Variants in RHBDD1 observed in about 807,000 individuals in gnomAD.
The protein encoded by RHBDD1 is rhomboid domain containing 1, also known as rhomboid-related protein 4.
Under a neutral mutation model 36.3 loss-of-function variants are expected in RHBDD1, and 38 were observed. The observed-to-expected ratio is 1.05, with a 90% CI of 0.81 to 1.37. The LOEUF (loss-of-function observed/expected upper bound fraction) is 1.37. RHBDD1 is among the 40% of genes most tolerant of loss of function. The probability of loss-of-function intolerance (pLI) is 0.00; values close to 1 mark genes in which losing one functional copy is unlikely to be tolerated. For synonymous variants in RHBDD1, 151 were observed against 136.5 expected, an observed-to-expected ratio of 1.11 and a Z score of -0.74; for missense variants, 393 against 377.6, an observed-to-expected ratio of 1.04 and a Z score of -0.34.
At chr2:226,862,856 G>C (rs1198878068) in intron 3 of RHBDD1, among the ~76,000 whole-genome samples, 1 of 152,236 alleles carries the variant, frequency 6.6e-6, no homozygotes, top group South Asian at 2.1e-4. Context: ...AGCATGTGCA[G>C]AGATCATGTG....
chr2:226,856,763 C>T (rs1943370543), intron 3 of RHBDD1, among the ~76,000 whole-genome samples: 1 of 152,124 alleles, frequency 6.6e-6, no homozygotes, highest in African/African-American at 2.4e-5. Flanking sequence ...CTGTCTAGCT[C>T]TTGTAATTAA....
chr2:226,889,188 C>T (rs1347220428), intron 5 of RHBDD1, among the ~76,000 whole-genome samples: 1 of 152,180 alleles, frequency 6.6e-6, no homozygotes, highest in Non-Finnish European at 1.5e-5. Context: ...TGCTGCTGGA[C>T]TGACTTGTTC....
chr2:226,955,519 T>C (rs1047422115), intron 8 of RHBDD1, among the ~76,000 whole-genome samples: 3 of 152,230 alleles, frequency 2.0e-5, no homozygotes, highest in Admixed American at 2.0e-4. Context: ...AGCCCAGCTG[T>C]GTCCTCCCAT....
intron 3 of RHBDD1, among the ~76,000 whole-genome samples, chr2:226,842,647 A>G (rs560320958): frequency 6.6e-6 from 1 of 152,174 alleles, no homozygotes; most frequent in African/African-American, 2.4e-5. Flanking sequence ...CTGTCTATGT[A>G]TCTGTTCTTG....
At chr2:226,919,050 A>G (rs1424259632) in intron 8 of RHBDD1, among the ~76,000 whole-genome samples, 1 of 152,064 alleles carries the variant, frequency 6.6e-6, no homozygotes, top group East Asian at 1.9e-4. Context: ...TTGATTTGCC[A>G]TTTCTCTGAG....
intron 8 of RHBDD1, among the ~76,000 whole-genome samples, chr2:226,941,899 C>T (rs753402355): frequency 9.9e-5 from 15 of 152,080 alleles, no homozygotes; most frequent in Non-Finnish European, 8.8e-5. Context: ...CACTTACCCA[C>T]GCAGAACCCT....
chr2:226,916,300 A>G (rs567928530), intron 8 of RHBDD1, among the ~76,000 whole-genome samples: 28 of 152,348 alleles, frequency 1.8e-4, no homozygotes, highest in African/African-American at 6.3e-4. Flanking sequence ...TAATCGCTGT[A>G]TCACATATAG....
upstream of RHBDD1, among the ~76,000 whole-genome samples, chr2:226,832,969 C>T (rs565357175): frequency 6.6e-6 from 1 of 152,058 alleles, no homozygotes; most frequent in African/African-American, 2.4e-5. Context: ...CAAGATTGTG[C>T]CATTGCACTT....
At chr2:226,801,145 T>C in the RHBDD1 span, among the ~76,000 whole-genome samples, 1 of 152,194 alleles carries the variant, frequency 6.6e-6, no homozygotes. Context: ...TCCCAGGCAC[T>C]GCAGGATGCT....
the RHBDD1 span, among the ~76,000 whole-genome samples, chr2:226,824,218 C>T: frequency 6.6e-6 from 1 of 151,966 alleles, no homozygotes; most frequent in Non-Finnish European, 1.5e-5. Context: ...ACATTTAAGA[C>T]ATTTGAAGAA....
chr2:226,978,224 A>T (rs1484897216), intron 8 of RHBDD1, among the ~76,000 whole-genome samples: 1 of 152,142 alleles, frequency 6.6e-6, no homozygotes, highest in African/African-American at 2.4e-5. Flanking sequence ...CCTTTTCATG[A>T]TCATCTTTTT....
intron 5 of RHBDD1, among the ~76,000 whole-genome samples, chr2:226,886,619 C>G (rs990769514): frequency 6.6e-6 from 1 of 152,132 alleles, no homozygotes; most frequent in African/African-American, 2.4e-5. Context: ...TCTAAAAATA[C>G]AGAATTTTAT....
At chr2:226,855,818 C>G (rs1454080960) in intron 3 of RHBDD1, among the ~76,000 whole-genome samples, 1 of 152,140 alleles carries the variant, frequency 6.6e-6, no homozygotes, top group Non-Finnish European at 1.5e-5. Context: ...CCATTACCAT[C>G]CTAATATAAT....
intron 5 of RHBDD1, among the ~76,000 whole-genome samples, chr2:226,882,086 T>G (rs1945788373): frequency 6.6e-6 from 1 of 152,204 alleles, no homozygotes; most frequent in South Asian, 2.1e-4. Context: ...TGGATACAGA[T>G]TTATCATACA....
At chr2:226,906,458 T>C (rs374842976) in intron 5 of RHBDD1, among the ~76,000 whole-genome samples, 22 of 152,268 alleles carry the variant, frequency 1.4e-4, no homozygotes, top group East Asian at 1.2e-3. Context: ...TTTATTTATG[T>C]TTTGTGATAA....
intron 8 of RHBDD1, among the ~76,000 whole-genome samples, chr2:226,937,046 G>T (rs1950376681): frequency 6.6e-6 from 1 of 152,090 alleles, no homozygotes; most frequent in South Asian, 2.1e-4. Context: ...ATAATACAGT[G>T]ATTTAGATAC....
intron 8 of RHBDD1, among the ~76,000 whole-genome samples, chr2:226,967,158 G>A (rs985139985): frequency 2.0e-5 from 3 of 152,058 alleles, no homozygotes; most frequent in Admixed American, 1.3e-4. Context: ...AGTGGCCCCC[G>A]TTCCCAAGAG....
At chr2:226,892,729 A>T (rs1946788191) in intron 5 of RHBDD1, among the ~76,000 whole-genome samples, 1 of 152,192 alleles carries the variant, frequency 6.6e-6, no homozygotes. Flanking sequence ...CCAATATGGC[A>T]ACTGAAATCT....
At chr2:226,900,499 A>G (rs1438691361) in intron 5 of RHBDD1, among the ~76,000 whole-genome samples, 2 of 152,198 alleles carry the variant, frequency 1.3e-5, no homozygotes, top group African/African-American at 4.8e-5. Flanking sequence ...GAGAGTCACT[A>G]TTAAGCTAAC....
Sources: gnomAD v4.1 joint callset for allele counts (sites outside exome capture counted in the v4.1 genomes callset) on GRCh38, gnomAD v4.1.1 for gene constraint, MANE v1.5 for transcripts, NCBI Gene and HGNC (gene_info 2026-07-23, HGNC 2026-07-21) for gene names.